The following STAC2 variants were observed in gnomAD, a reference collection of about 807,000 sequenced individuals.
STAC2 encodes SH3 and cysteine rich domain 2.
A neutral mutation model predicts 49.0 loss-of-function variants in STAC2; 36 were observed. The observed-to-expected ratio is 0.74, with a 90% CI of 0.56 to 0.97. The LOEUF (loss-of-function observed/expected upper bound fraction) is 0.97, where lower values mean the gene tolerates loss of function less well. STAC2 is among the 50% of genes least tolerant of loss of function. The probability of loss-of-function intolerance (pLI) is 0.00; values close to 1 mark genes in which losing one functional copy is unlikely to be tolerated. For synonymous variants in STAC2, 239 were observed against 214.7 expected (o/e 1.11, Z -0.99); for missense variants, 527 against 543.8 (o/e 0.97, Z 0.31).
At chr17:39,222,835 G>A (rs1376265601) in intron 1 of STAC2, among the ~76,000 whole-genome samples, 3 of 152,096 alleles carry the variant, frequency 2.0e-5, no homozygotes, top group Non-Finnish European at 4.4e-5. Flanking sequence ...TATCCTGGAC[G>A]GCCCCTTATT....
In STAC2 at chr17:39,213,576, A is replaced by G. The variant is rs1036366610; in HGVS notation, c.942-18T>C. 6.2e-7 allele frequency: 1 copy of G among 1,607,050 alleles called. No homozygotes were observed. The highest frequency in any genetic ancestry group is 8.5e-7 in the Non-Finnish European group (1 of 1,175,472). On this transcript the variant is annotated intron_variant, in intron 8 of 10. Transcript: ENST00000333461. Reference sequence around the variant, plus strand: ...CTCCAGGCCTGGGGAGGACAGAGCTAGGGTTGCATATGGAGCAGGGAGTAG... The same window carrying G: ...CTCCAGGCCTGGGGAGGACAGAGCTGGGGTTGCATATGGAGCAGGGAGTAG...
chr17:39,223,082 G>T (rs1597738561), intron 1 of STAC2, among the ~76,000 whole-genome samples: 1 of 152,202 alleles, frequency 6.6e-6, no homozygotes, highest in Non-Finnish European at 1.5e-5. Context: ...CAGCCTGGGG[G>T]CAAGCAGGAG....
At position 39,214,263 on chromosome 17, in the gene STAC2, A is replaced by G. The variant is rs754216421; in HGVS notation, c.911T>C (p.Leu304Pro). 7.4e-6 allele frequency: 12 copies of G among 1,614,088 alleles called. No homozygotes were observed. The highest frequency in any genetic ancestry group is 9.3e-6 in the Non-Finnish European group (11 of 1,179,944). ...MYSYVALYKF[L>P]PQENNDLALQ... ...AGCCAGATCATTGTTCTCCTGGGGC[A>G]GAAACTTGTAGAGTGCAACGTAGGA... The change falls in exon 8 of 11, where the codon CTG (leucine) becomes CCG (proline). Residue 304 changes from leucine (L) to proline (P), a missense_variant. Transcript: ENST00000333461.
chr17:39,213,197 C>A, intron 9 of STAC2, 65 bp from the exon 10 acceptor site: 1 of 1,587,566 alleles, frequency 6.3e-7, no homozygotes, highest in Non-Finnish European at 8.5e-7. Context: ...CCACTGCTTT[C>A]TCCAGACCCG....
chr17:39,213,522 G>A lies in STAC2; in HGVS notation c.978C>T (p.Asn326=), dbSNP rs770870439. ...GDRIMLVDDS[N]EDWWKGKIGD... Reference sequence around the variant, plus strand: ...GCCAAGTCACCTTCCACCAGTCCTCGTTAGAGTCATCCACCAGCATGATCC... The same window carrying A: ...GCCAAGTCACCTTCCACCAGTCCTCATTAGAGTCATCCACCAGCATGATCC... Residue 326 remains asparagine, a synonymous_variant, in exon 9 of 11, where the codon AAC becomes AAT. Coordinates refer to ENST00000333461, the MANE Select transcript of STAC2 (RefSeq NM_198993.5). The A allele has an allele frequency of 8.7e-6, 14 of 1,613,672 alleles. No individual in the cohort carries two copies. Among genetic ancestry groups the A allele is most frequent in the South Asian group, 2.2e-5 (2 of 91,084 alleles).
rs761706310 is a variant in STAC2, at chr17:39,215,043, A to G, written c.700-20T>C. 20 of 1,613,838 alleles carry G rather than the reference A, an allele frequency of 1.2e-5. No homozygotes were observed. The South Asian group carries it at 2.0e-4, about 16-fold the overall frequency. On this transcript the variant is annotated intron_variant, in intron 5 of 10. Coordinates refer to ENST00000333461, the MANE Select transcript of STAC2 (RefSeq NM_198993.5). ...CTCACTCTAGGGACAGAGAGAGGAG[A>G]GGGCTCAGCCCCCGAGCCCACTGTC...
chr17:39,219,618 T>G (rs1411975594), intron 1 of STAC2, among the ~76,000 whole-genome samples: 2 of 152,122 alleles, frequency 1.3e-5, no homozygotes, highest in African/African-American at 2.4e-5. Context: ...CAGCCTTTGG[T>G]GAATACATGA....
Position 39,213,032 on chromosome 17 carries a change from T to C in STAC2, c.1094A>G (p.Asn365Ser), listed in dbSNP as rs1279059988. The C allele has an allele frequency of 6.2e-7, 1 of 1,613,900 alleles. No individual in the cohort carries two copies. The highest frequency in any genetic ancestry group is 1.3e-5 in the African/African-American group (1 of 74,954). Residue 365 changes from asparagine (N) to serine (S), a missense_variant, in exon 10 of 11, where the codon AAC becomes AGC. Coordinates refer to ENST00000333461, the MANE Select transcript of STAC2 (RefSeq NM_198993.5). ...GAGGCTCATGTAACCCTGTTCCTTGTTCCCGGAGAAGGGTTGGCAGCAGCG... is the reference window on the plus strand; with the variant it reads ...GAGGCTCATGTAACCCTGTTCCTTGCTCCCGGAGAAGGGTTGGCAGCAGCG... Reference protein sequence around the residue: ...VWRCCQPFSGNKEQGYMSLKE... With the variant: ...VWRCCQPFSGSKEQGYMSLKE...
At chr17:39,220,777 T>C (rs368156198) in intron 1 of STAC2, among the ~76,000 whole-genome samples, 9 of 150,250 alleles carry the variant, frequency 6.0e-5, no homozygotes, top group East Asian at 5.9e-4. Flanking sequence ...CGGCCTATCA[T>C]TTTTATTTTT....
chr17:39,213,045 G>A lies in STAC2; in HGVS notation c.1081C>T (p.Pro361Ser). ...PGENVWRCCQPFSGNKEQGYM... is the reference protein window; with the variant it reads ...PGENVWRCCQSFSGNKEQGYM... ...CCCTGTTCCTTGTTCCCGGAGAAGG[G>A]TTGGCAGCAGCGCCAAACATTCTCG... Residue 361 changes from proline (P) to serine (S), a missense_variant, in exon 10 of 11, where the codon CCC (proline) becomes TCC (serine). Coordinates refer to ENST00000333461, the MANE Select transcript of STAC2 (RefSeq NM_198993.5). 4 of 1,614,000 alleles carry A rather than the reference G, an allele frequency of 2.5e-6. No homozygotes were observed. In the South Asian group the frequency reaches 4.4e-5, roughly 18 times the overall value.
chr17:39,212,485 G>A, intron 10 of STAC2, 89 bp from the exon 11 acceptor site: 1 of 904,400 alleles, frequency 1.1e-6, no homozygotes, highest in Non-Finnish European at 1.7e-6. Context: ...GACCCACCCT[G>A]GGGGATGATG....
chr17:39,223,205 G>T (rs765140570), intron 1 of STAC2, among the ~76,000 whole-genome samples: 1 of 152,208 alleles, frequency 6.6e-6, no homozygotes, highest in Non-Finnish European at 1.5e-5. Context: ...CACTGAGCTT[G>T]GTGGGCGGCA....
intron 1 of STAC2, among the ~76,000 whole-genome samples, chr17:39,222,572 T>C (rs560605485): frequency 6.6e-6 from 1 of 152,292 alleles, no homozygotes; most frequent in African/African-American, 2.4e-5. Flanking sequence ...CTCCTGGGGC[T>C]CCTCATTCCT....
chr17:39,214,495 C>A lies in STAC2; in HGVS notation c.844-165G>T, dbSNP rs546443472. 20 of 973,006 alleles carry A rather than the reference C, an allele frequency of 2.1e-5. No individual in the cohort carries two copies. In the South Asian group the frequency reaches 8.1e-4, roughly 39 times the overall value. The allele number at this position is 973,006 out of a possible 1,614,324, so 60.3% of individuals were successfully genotyped here. ...CTCGTACATGCTATGCTCACCCACCCCAAAGCGCACTGGGACGGGAATGGA... is the reference window on the plus strand; with the variant it reads ...CTCGTACATGCTATGCTCACCCACCACAAAGCGCACTGGGACGGGAATGGA... On this transcript the variant is annotated intron_variant, in intron 7 of 10. Coordinates refer to ENST00000333461, the MANE Select transcript of STAC2 (RefSeq NM_198993.5).
At chr17:39,218,955 A>G (rs1464392690) in intron 1 of STAC2, among the ~76,000 whole-genome samples, 2 of 152,030 alleles carry the variant, frequency 1.3e-5, no homozygotes, top group Non-Finnish European at 2.9e-5. Context: ...TCTCCCCGAC[A>G]GAAAGTCTCT....
intron 1 of STAC2, 62 bp from the exon 2 acceptor site, chr17:39,218,235 C>T (rs533016936): frequency 8.9e-6 from 14 of 1,575,296 alleles, no homozygotes; most frequent in Non-Finnish European, 1.1e-5. Flanking sequence ...GGCGGGCTTC[C>T]CTTCAGGGTG....
rs578061600 is a variant in STAC2, at chr17:39,213,521, C to T, written c.979G>A (p.Glu327Lys). 4 of 1,613,750 alleles carry T rather than the reference C, an allele frequency of 2.5e-6. No individual in the cohort carries two copies. Among genetic ancestry groups the T allele is most frequent in the East Asian group, 2.2e-5 (1 of 44,852 alleles). Residue 327 changes from glutamate (E) to lysine (K), a missense_variant, in exon 9 of 11, where the codon GAG (glutamate) becomes AAG (lysine). Coordinates refer to ENST00000333461, the MANE Select transcript of STAC2 (RefSeq NM_198993.5). ...DRIMLVDDSNEDWWKGKIGDR... is the reference protein window; with the variant it reads ...DRIMLVDDSNKDWWKGKIGDR... ...TGCCAAGTCACCTTCCACCAGTCCT[C>T]GTTAGAGTCATCCACCAGCATGATC...
At chr17:39,215,376 C>A in intron 4 of STAC2, 146 bp from the exon 5 acceptor site, 1 of 788,688 alleles carries the variant, frequency 1.3e-6, no homozygotes, top group South Asian at 1.7e-5. Context: ...GGCTCTGGGT[C>A]CTCCCATGGT....
chr17:39,212,369 C>T lies in STAC2; in HGVS notation c.1159G>A (p.Asp387Asn). The T allele has an allele frequency of 6.2e-7, 1 of 1,611,600 alleles. No homozygotes were observed. The highest frequency in any genetic ancestry group is 2.2e-5 in the East Asian group (1 of 44,846). ...QICVGVGRSK[D>N]ADGFIRVSSG... ...CTGACGCGGATGAAGCCGTCAGCAT[C>T]CTTGCTTCTGCCCACGCCCACGCAG... is the stretch of plus-strand genomic sequence containing the variant. Residue 387 changes from aspartate to asparagine, a missense_variant, in exon 11 of 11, where the codon GAT becomes AAT. By Grantham distance (23) the Asp-to-Asn change is conservative (BLOSUM62 1). Coordinates refer to ENST00000333461, the MANE Select transcript of STAC2 (RefSeq NM_198993.5).
Sources: gnomAD v4.1 joint callset for allele counts (sites outside exome capture counted in the v4.1 genomes callset) on GRCh38, gnomAD v4.1.1 for gene constraint, MANE v1.5 for transcripts, NCBI Gene and HGNC (gene_info 2026-07-23, HGNC 2026-07-21) for gene names.